MTA3: variants seen among roughly 807,000 people sequenced by gnomAD.
MTA3 encodes metastasis associated 1 family member 3.
Under a neutral mutation model 83.5 loss-of-function variants are expected in MTA3, and 34 were observed. The observed-to-expected ratio is 0.41, with a 90% CI of 0.31 to 0.54. The LOEUF is 0.54. Ranked by LOEUF, MTA3 falls within the 20% of genes least tolerant of loss-of-function variation. The probability of loss-of-function intolerance (pLI) is 0.33; values close to 1 mark genes in which losing one functional copy is unlikely to be tolerated. For synonymous variants in MTA3, 303 were observed against 252.7 expected, an observed-to-expected ratio of 1.20 and a Z score of -1.89; for missense variants, 761 against 726.4, an observed-to-expected ratio of 1.05 and a Z score of -0.55.
chr2:42,712,505 A>T (rs1339859462), intron 14 of MTA3, among the ~76,000 whole-genome samples: 1 of 152,112 alleles, frequency 6.6e-6, no homozygotes, highest in Non-Finnish European at 1.5e-5. Context: ...TTTATTTTTT[A>T]AACCAATTTC....
chr2:42,736,515 A>C (rs1333992885), intron 16 of MTA3, among the ~76,000 whole-genome samples: 2 of 152,138 alleles, frequency 1.3e-5, no homozygotes, highest in Non-Finnish European at 2.9e-5. Context: ...TCTTCCCTTC[A>C]GGGCAGTGAG....
At chr2:42,559,546 A>G (rs1365290804) in intron 2 of MTA3, among the ~76,000 whole-genome samples, 1 of 150,422 alleles carries the variant, frequency 6.6e-6, no homozygotes, top group African/African-American at 2.4e-5. Flanking sequence ...CATCTCTTAT[A>G]TTCAATCCTT....
chr2:42,745,571 G>A (rs1339227764), intron 16 of MTA3, among the ~76,000 whole-genome samples: 1 of 151,954 alleles, frequency 6.6e-6, no homozygotes, highest in Non-Finnish European at 1.5e-5. Flanking sequence ...AGAGATGGGG[G>A]CAGGGGGTCT....
intron 16 of MTA3, among the ~76,000 whole-genome samples, chr2:42,750,879 G>A (rs1038415985): frequency 1.3e-5 from 2 of 152,218 alleles, no homozygotes; most frequent in East Asian, 1.9e-4. Flanking sequence ...TTGGGATCCA[G>A]CTGCTTCTCA....
intron 2 of MTA3, among the ~76,000 whole-genome samples, chr2:42,553,183 T>C (rs917609346): frequency 1.3e-5 from 2 of 151,848 alleles, no homozygotes; most frequent in Admixed American, 6.6e-5. Context: ...CCCAGCACTT[T>C]GGGAGGCCAA....
chr2:42,579,774 C>T (rs954078589), intron 3 of MTA3, among the ~76,000 whole-genome samples: 1 of 151,128 alleles, frequency 6.6e-6, no homozygotes, highest in Non-Finnish European at 1.5e-5. Flanking sequence ...TGGTCTTGAA[C>T]CCTAGGCCTC....
chr2:42,702,607 A>T (rs1453405662), intron 11 of MTA3: 1 of 152,242 alleles, frequency 6.6e-6, no homozygotes, highest in African/African-American at 2.4e-5. Context: ...TTCATTTCCG[A>T]TAAATTATTT....
intron 5 of MTA3, among the ~76,000 whole-genome samples, chr2:42,640,701 A>C (rs1309317736): frequency 6.6e-6 from 1 of 152,208 alleles, no homozygotes; most frequent in Non-Finnish European, 1.5e-5. Context: ...TCAACAAGAA[A>C]TGTAGTTAAC....
At chr2:42,604,950 T>C (rs1242728174) in intron 3 of MTA3, among the ~76,000 whole-genome samples, 42 of 148,882 alleles carry the variant, frequency 2.8e-4, no homozygotes, top group Non-Finnish European at 5.4e-4. Context: ...TTTCTTAGTG[T>C]AGAACAAAAT....
At chr2:42,742,170 G>A (rs1363736084) in intron 16 of MTA3, among the ~76,000 whole-genome samples, 2 of 145,828 alleles carry the variant, frequency 1.4e-5, no homozygotes, top group South Asian at 2.2e-4. Flanking sequence ...AAGCAGACTC[G>A]CCCTGTTGCC....
At chr2:42,709,654 T>A (rs1443857918) in intron 14 of MTA3, 1 of 152,320 alleles carries the variant, frequency 6.6e-6, no homozygotes, top group African/African-American at 2.4e-5. Context: ...ACTATATTTA[T>A]TAGAAGGTCT....
chr2:42,521,937 A>G (rs1217786847), intron 2 of MTA3, among the ~76,000 whole-genome samples: 1 of 151,806 alleles, frequency 6.6e-6, no homozygotes, highest in African/African-American at 2.4e-5. Flanking sequence ...GTATTTTTGT[A>G]GAGATGGGGT....
At chr2:42,668,071 C>T (rs1367199291) in intron 8 of MTA3, among the ~76,000 whole-genome samples, 1 of 152,196 alleles carries the variant, frequency 6.6e-6, no homozygotes. Flanking sequence ...AACCTACTTG[C>T]TCTGCTTCAG....
intron 2 of MTA3, among the ~76,000 whole-genome samples, chr2:42,526,532 C>T (rs972405571): frequency 3.3e-5 from 5 of 152,172 alleles, no homozygotes. Flanking sequence ...TGTCAACATC[C>T]ACCGTCATCT....
chr2:42,583,120 A>G (rs1343846686), intron 3 of MTA3, among the ~76,000 whole-genome samples: 1 of 152,196 alleles, frequency 6.6e-6, no homozygotes, highest in East Asian at 1.9e-4. Flanking sequence ...GAGGATTATG[A>G]CATAAGGAAC....
chr2:42,711,112 CATTT>C (rs1666575168), intron 14 of MTA3, among the ~76,000 whole-genome samples: 1 of 151,990 alleles, frequency 6.6e-6, no homozygotes, highest in African/African-American at 2.4e-5. Flanking sequence ...AAAAGTAAAA[CATTT>C]AAGAATGAAA....
chr2:42,538,796 C>A (rs1307703496), intron 2 of MTA3, among the ~76,000 whole-genome samples: 1 of 130,638 alleles, frequency 7.7e-6, no homozygotes, highest in Non-Finnish European at 1.6e-5. Flanking sequence ...GAGACGGAGT[C>A]TCGCCTTGTC....
intron 3 of MTA3, among the ~76,000 whole-genome samples, chr2:42,603,247 T>C (rs1391952821): frequency 2.0e-5 from 3 of 152,216 alleles, no homozygotes; most frequent in South Asian, 2.1e-4. Context: ...TTGGAAGTTA[T>C]TGAGGCCTTT....
chr2:42,540,557 G>A (rs1460521479), intron 2 of MTA3, among the ~76,000 whole-genome samples: 1 of 152,008 alleles, frequency 6.6e-6, no homozygotes, highest in Admixed American at 6.6e-5. Flanking sequence ...TTCCCCAGCT[G>A]GGCACAGTAG....
Sources: gnomAD v4.1 joint callset for allele counts (sites outside exome capture counted in the v4.1 genomes callset) on GRCh38, gnomAD v4.1.1 for gene constraint, MANE v1.5 for transcripts, NCBI Gene and HGNC (gene_info 2026-07-23, HGNC 2026-07-21) for gene names.